Variants in ZNF512 observed in about 807,000 individuals in gnomAD.
ZNF512 encodes zinc finger protein 512.
Under a neutral mutation model 77.5 loss-of-function variants are expected in ZNF512, and 25 were observed. That is an observed-to-expected ratio of 0.32 (90% CI 0.23 to 0.45). The LOEUF (loss-of-function observed/expected upper bound fraction) is 0.45, where lower values mean the gene tolerates loss of function less well. Among genes scored for constraint, ZNF512 ranks in the 20% least tolerant of loss-of-function variants. The pLI, the probability that ZNF512 is intolerant of heterozygous loss-of-function variation, is 1.00. For missense variants in ZNF512, 483 were observed against 692.6 expected (o/e 0.70, Z 3.40); for synonymous variants, 246 against 239.9 (o/e 1.03, Z -0.24).
At chr2:27,616,504 CAAGA>C (rs1672886746) in intron 12 of ZNF512, among the ~76,000 whole-genome samples, 180 bp downstream of exon 12, 3 of 152,098 alleles carry the variant, frequency 2.0e-5, no homozygotes, top group Non-Finnish European at 4.4e-5. Context: ...AGGGCATGTC[CAAGA>C]CTTAGAAAAG....
chr2:27,619,998 A>G (rs761690693), intron 13 of ZNF512, among the ~76,000 whole-genome samples: 68 of 152,312 alleles, frequency 4.5e-4, no homozygotes, highest in Non-Finnish European at 8.5e-4. Context: ...ATTAGGATCT[A>G]AAACAAGGTC....
intron 5 of ZNF512, 109 bp from the exon 6 acceptor site, chr2:27,600,582 C>G: frequency 3.0e-6 from 4 of 1,335,958 alleles, no homozygotes; most frequent in Non-Finnish European, 4.1e-6. Flanking sequence ...CGCAGTCTAC[C>G]AGGAAAAGGA....
At chr2:27,613,870 TATG>T (rs1464533522) in intron 10 of ZNF512, among the ~76,000 whole-genome samples, 3 of 152,114 alleles carry the variant, frequency 2.0e-5, no homozygotes, top group South Asian at 2.1e-4. Flanking sequence ...CTATTACTAA[TATG>T]ATAGTTTATT....
intron 9 of ZNF512, among the ~76,000 whole-genome samples, chr2:27,606,848 C>G (rs1672387335): frequency 1.3e-5 from 2 of 152,144 alleles, no homozygotes; most frequent in African/African-American, 4.8e-5. Flanking sequence ...TTTAGAGGCT[C>G]TAGTGAGAGA....
rs139890307 is a variant in ZNF512 at position 27,592,667 on chromosome 2, C to CTTTTTT, written c.90-5375_90-5370dup. The stretch of plus-strand genomic sequence containing the variant: ...TACCCATATAATTTACCATGTTTAC[C>CTTTTTT]TTTTTTTTTTTTTTTTTTTTTTTTT... On this transcript the variant is annotated intron_variant, in intron 2 of 13. Transcript: ENST00000355467. Among the ~76,000 whole-genome samples the CTTTTTT allele has an allele frequency of 2.4e-3, 194 of 81,584 alleles. 1 individual carries two copies. The highest frequency in any genetic ancestry group is 3.8e-3 in the Non-Finnish European group (164 of 42,744). The allele number at this position is 81,584 out of a possible 152,430, so 53.5% of individuals were successfully genotyped here. A position where few individuals can be genotyped will look rare whatever the true frequency, so the allele number is the denominator to read the frequency against.
At chr2:27,589,357 T>G (rs1452413821) in intron 2 of ZNF512, among the ~76,000 whole-genome samples, 1 of 152,170 alleles carries the variant, frequency 6.6e-6, no homozygotes, top group Non-Finnish European at 1.5e-5. Context: ...TTAAAGAAAT[T>G]TGTTCATTGT....
intron 2 of ZNF512, among the ~76,000 whole-genome samples, chr2:27,592,318 T>A (rs1464918775): frequency 2.8e-4 from 43 of 151,660 alleles, no homozygotes; most frequent in African/African-American, 1.0e-3. Context: ...TATTTATTTT[T>A]ATTTTTTTTT....
chr2:27,605,580 A>G (rs1672319626), intron 9 of ZNF512, among the ~76,000 whole-genome samples: 1 of 151,872 alleles, frequency 6.6e-6, no homozygotes, highest in Non-Finnish European at 1.5e-5. Flanking sequence ...GGCTCAAGCC[A>G]TCCTCCCACC....
chr2:27,615,261 C>T lies in ZNF512; in HGVS notation c.1225C>T (p.Pro409Ser), dbSNP rs765731565. Residue 409 changes from proline (P) to serine (S), a missense_variant, in exon 11 of 14, where the codon CCT becomes TCT. Transcript: ENST00000355467. Reference sequence around the variant, plus strand: ...CAAGAAATATCATCGTATTCAGTGTCCTAACCAGGTGGTTCTTTCTCATTC... The same window carrying T: ...CAAGAAATATCATCGTATTCAGTGTTCTAACCAGGTGGTTCTTTCTCATTC... ...DIKKYHRIQC[P>S]NQGCEAVYSS... The T allele has an allele frequency of 2.5e-6, 4 of 1,587,818 alleles. No individual in the cohort carries two copies. Among genetic ancestry groups the T allele is most frequent in the Non-Finnish European group, 3.4e-6 (4 of 1,167,276 alleles).
intron 2 of ZNF512, among the ~76,000 whole-genome samples, chr2:27,585,830 G>A (rs1316572369): frequency 6.6e-6 from 1 of 152,198 alleles, no homozygotes; most frequent in African/African-American, 2.4e-5. Context: ...GATAGTCATT[G>A]TATCACAACA....
intron 5 of ZNF512, 80 bp from the exon 6 acceptor site, chr2:27,600,610 CT>C: frequency 6.6e-7 from 1 of 1,519,328 alleles, no homozygotes; most frequent in Middle Eastern, 1.9e-4. Flanking sequence ...TTTTATGATA[CT>C]TTTCCTAAAT....
rs1230063533 is a variant in ZNF512, at chr2:27,615,286, CATTT to C, written c.1233+21_1233+24del. On this transcript the variant is annotated intron_variant, in intron 11 of 13. Coordinates refer to ENST00000355467, the MANE Select transcript of ZNF512 (RefSeq NM_032434.4). ...CCTAACCAGGTGGTTCTTTCTCATT[CATTT>C]ATTCAGTAAATGTTTATCAAGCATC... is the stretch of plus-strand genomic sequence containing the variant. 6.7e-7 allele frequency: 1 copy of C among 1,491,666 alleles called. No homozygotes were observed. The allele number at this position is 1,491,666 out of a possible 1,614,324, so 92.4% of individuals were successfully genotyped here. A position where few individuals can be genotyped will look rare whatever the true frequency, so the allele number is the denominator to read the frequency against.
intron 4 of ZNF512, 47 bp from the exon 5 acceptor site, chr2:27,599,923 A>G (rs921555497): frequency 6.2e-7 from 1 of 1,603,500 alleles, no homozygotes; most frequent in Non-Finnish European, 8.5e-7. Flanking sequence ...AGATTTTGGT[A>G]TTAGCAAGGG....
intron 2 of ZNF512, 113 bp downstream of exon 2, chr2:27,583,829 T>A: frequency 8.7e-7 from 1 of 1,153,082 alleles, no homozygotes; most frequent in Non-Finnish European, 1.2e-6. Flanking sequence ...TCATAGCCAC[T>A]AACCCGGTGT....
At chr2:27,613,132 T>C (rs890433328) in intron 10 of ZNF512, among the ~76,000 whole-genome samples, 32 of 152,054 alleles carry the variant, frequency 2.1e-4, no homozygotes, top group Admixed American at 2.0e-3. Flanking sequence ...ATCAGATACA[T>C]GTATATTTTC....
At chr2:27,593,328 G>A (rs1392424347) in intron 2 of ZNF512, among the ~76,000 whole-genome samples, 3 of 151,224 alleles carry the variant, frequency 2.0e-5, no homozygotes, top group Non-Finnish European at 4.4e-5. Context: ...TTTAAGCCTG[G>A]GAGGTGGAGG....
intron 2 of ZNF512, among the ~76,000 whole-genome samples, chr2:27,594,335 G>T (rs1291689384): frequency 1.4e-5 from 2 of 147,052 alleles, no homozygotes; most frequent in Non-Finnish European, 3.0e-5. Context: ...CCTCCTAAAC[G>T]GGGTGGCGGC....
intron 9 of ZNF512, among the ~76,000 whole-genome samples, chr2:27,604,517 A>G (rs1672273848): frequency 6.6e-6 from 1 of 152,140 alleles, no homozygotes; most frequent in African/African-American, 2.4e-5. Flanking sequence ...GCCTTAGCTC[A>G]CACCTGTAAT....
In ZNF512 at chr2:27,621,518, C is replaced by T; in HGVS notation, c.*57C>T. The stretch of plus-strand genomic sequence containing the variant: ...AGATGTGATGCTGTTGTCACGGGGA[C>T]CTGTGCTGGGAGGACTGAGTGAAGA... On this transcript the variant is annotated 3_prime_UTR_variant, in exon 14 of 14. Transcript: ENST00000355467. 23 of 1,518,982 alleles carry T rather than the reference C, an allele frequency of 1.5e-5. No individual in the cohort carries two copies. The South Asian group carries it at 2.7e-4, about 18-fold the overall frequency. The allele number at this position is 1,518,982 out of a possible 1,614,324, so 94.1% of individuals were successfully genotyped here. A position where few individuals can be genotyped will look rare whatever the true frequency, so the allele number is the denominator to read the frequency against.
Sources: allele counts gnomAD v4.1 joint callset (sites outside exome capture counted in the v4.1 genomes callset), GRCh38; gene constraint gnomAD v4.1.1; transcripts MANE v1.5; gene names NCBI Gene and HGNC (gene_info 2026-07-23, HGNC 2026-07-21).